NLGN1: variants seen among roughly 807,000 people sequenced by gnomAD.
NLGN1 encodes neuroligin-1.
A neutral mutation model predicts 65.5 loss-of-function variants in NLGN1; 12 were observed. The observed-to-expected ratio is 0.18, with a 90% CI of 0.12 to 0.30. The LOEUF (loss-of-function observed/expected upper bound fraction) is 0.30. Ranked by LOEUF, NLGN1 falls within the 10% of genes least tolerant of loss-of-function variation. The pLI is 1.00. For synonymous variants in NLGN1, 350 were observed against 359.5 expected (o/e 0.97, Z 0.30); for missense variants, 750 against 1,007.1 (o/e 0.74, Z 3.46).
chr3:173,887,589 G>A (rs1734587077), intron 4 of NLGN1, among the ~76,000 whole-genome samples: 1 of 151,934 alleles, frequency 6.6e-6, no homozygotes, highest in South Asian at 2.1e-4. Context: ...TAGAGGCAGA[G>A]TTCTAACAGA....
chr3:173,935,612 ACACACACACACTCT>A (rs1744903395), intron 4 of NLGN1, among the ~76,000 whole-genome samples: 1 of 113,990 alleles, frequency 8.8e-6, no homozygotes, highest in Admixed American at 8.9e-5. Flanking sequence ...ACACACACAC[ACACACACACACTCT>A]CTCTCTCTCT....
intron 4 of NLGN1, among the ~76,000 whole-genome samples, chr3:173,829,553 C>CGT (rs10576627): frequency 1.7e-4 from 24 of 144,774 alleles, no homozygotes; most frequent in South Asian, 4.3e-4. Flanking sequence ...GGAGTGTGTG[C>CGT]GTGTGTGTGT....
chr3:173,766,088 C>CTTTT (rs34830188), intron 3 of NLGN1, among the ~76,000 whole-genome samples: 1 of 135,886 alleles, frequency 7.4e-6, no homozygotes, highest in African/African-American at 2.7e-5. Context: ...TATGTTTTGT[C>CTTTT]TTTTTTTTTT....
chr3:173,887,334 CT>C (rs1734536679), intron 4 of NLGN1, among the ~76,000 whole-genome samples: 1 of 151,898 alleles, frequency 6.6e-6, no homozygotes, highest in African/African-American at 2.4e-5. Context: ...TATGTCTTTT[CT>C]TTTTTGACTT....
rs576267942 is a variant in NLGN1, at chr3:174,267,285, G to A, written c.647-8030G>A. Among the ~76,000 whole-genome samples the A allele has an allele frequency of 2.8e-4, 42 of 152,272 alleles. No individual in the cohort carries two copies. In the South Asian group the frequency reaches 8.5e-3, roughly 31 times the overall value. ...AGCCTCTGGCTTCCACTCATGGTGG[G>A]AGGCAAAGAGGAACCATTGTGTCAT... On this transcript the variant is annotated intron_variant, in intron 4 of 6. Transcript: ENST00000457714.
intron 2 of NLGN1, among the ~76,000 whole-genome samples, chr3:173,483,165 GTTGT>G (rs1165199448): frequency 6.6e-6 from 1 of 151,910 alleles, no homozygotes; most frequent in Non-Finnish European, 1.5e-5. Context: ...TCTTTTTGAT[GTTGT>G]TTATGTTTTT....
At chr3:174,242,939 A>G (rs1053849469) in intron 4 of NLGN1, among the ~76,000 whole-genome samples, 11 of 152,160 alleles carry the variant, frequency 7.2e-5, no homozygotes, top group African/African-American at 2.7e-4. Context: ...AGCATGATAA[A>G]CTTTATAATT....
chr3:173,858,798 T>C (rs1303880310), intron 4 of NLGN1, among the ~76,000 whole-genome samples: 1 of 152,088 alleles, frequency 6.6e-6, no homozygotes, highest in African/African-American at 2.4e-5. Context: ...TTTATATAAG[T>C]AGCACCGGAT....
intron 4 of NLGN1, among the ~76,000 whole-genome samples, chr3:173,981,515 T>C (rs980097716): frequency 1.3e-5 from 2 of 152,180 alleles, no homozygotes; most frequent in African/African-American, 2.4e-5. Flanking sequence ...ATTTCTATAT[T>C]ACATTAAAGC....
chr3:173,424,976 T>C (rs1715831080), intron 1 of NLGN1, among the ~76,000 whole-genome samples: 1 of 152,120 alleles, frequency 6.6e-6, no homozygotes, highest in South Asian at 2.1e-4. Context: ...TGAGACTGGG[T>C]AACTTATAAA....
chr3:173,711,820 T>C (rs1578077516), intron 3 of NLGN1, among the ~76,000 whole-genome samples: 2 of 152,260 alleles, frequency 1.3e-5, no homozygotes, highest in East Asian at 3.9e-4. Context: ...GACCAGAACC[T>C]GACTGGCAAC....
intron 4 of NLGN1, among the ~76,000 whole-genome samples, chr3:173,981,002 T>A (rs939710493): frequency 6.6e-6 from 1 of 152,136 alleles, no homozygotes; most frequent in Non-Finnish European, 1.5e-5. Flanking sequence ...ACATAAAATA[T>A]TTTCTTACAT....
chr3:173,558,800 A>G (rs887142887), intron 2 of NLGN1, among the ~76,000 whole-genome samples: 1 of 152,048 alleles, frequency 6.6e-6, no homozygotes, highest in Non-Finnish European at 1.5e-5. Context: ...ATATGGTCAC[A>G]TTTTCTTGCT....
chr3:174,289,969 GTA>G (rs748262574), downstream of NLGN1, among the ~76,000 whole-genome samples: 91 of 133,704 alleles, frequency 6.8e-4, no homozygotes, highest in Admixed American at 1.2e-3. Flanking sequence ...ATATATATAT[GTA>G]TATATATATA....
At chr3:174,004,223 A>C (rs903095403) in intron 4 of NLGN1, among the ~76,000 whole-genome samples, 2 of 152,134 alleles carry the variant, frequency 1.3e-5, no homozygotes, top group East Asian at 3.9e-4. Context: ...ATTAGTTAGA[A>C]TCATTTAAAA....
At chr3:173,495,471 AT>A (rs1177368667) in intron 2 of NLGN1, among the ~76,000 whole-genome samples, 1 of 151,480 alleles carries the variant, frequency 6.6e-6, no homozygotes, top group Non-Finnish European at 1.5e-5. Context: ...TATACATTTT[AT>A]TTCTTTCTCT....
intron 4 of NLGN1, among the ~76,000 whole-genome samples, chr3:174,135,562 G>C (rs1721057438): frequency 6.6e-6 from 1 of 152,068 alleles, no homozygotes; most frequent in Admixed American, 6.5e-5. Context: ...AAATGGGTTT[G>C]AAGTGCTAAC....
intron 2 of NLGN1, among the ~76,000 whole-genome samples, chr3:173,505,621 C>T (rs1253021641): frequency 6.6e-6 from 1 of 151,996 alleles, no homozygotes; most frequent in South Asian, 2.1e-4. Context: ...TGAAAGTTCT[C>T]TGCATCCGTT....
intron 4 of NLGN1, among the ~76,000 whole-genome samples, chr3:174,240,967 T>C (rs1742688788): frequency 6.6e-6 from 1 of 152,190 alleles, no homozygotes; most frequent in Admixed American, 6.5e-5. Flanking sequence ...CTCTTCCTTG[T>C]GCCACGTCTT....
Sources: gnomAD v4.1 joint callset for allele counts (sites outside exome capture counted in the v4.1 genomes callset) on GRCh38, gnomAD v4.1.1 for gene constraint, MANE v1.5 for transcripts, NCBI Gene and HGNC (gene_info 2026-07-23, HGNC 2026-07-21) for gene names.